Variants in SRRM4 observed in about 807,000 individuals in gnomAD.
SRRM4 encodes the protein serine/arginine repetitive matrix 4, also known as serine/arginine repetitive matrix protein 4.
A neutral mutation model predicts 68.9 loss-of-function variants in SRRM4; 33 were observed. The ratio of observed to expected loss-of-function variants is 0.48; its 90% CI spans 0.36 to 0.64. The LOEUF (loss-of-function observed/expected upper bound fraction) is 0.64. SRRM4 is among the 30% of genes least tolerant of loss of function. SRRM4 has a pLI of 0.00. For missense variants in SRRM4, 817 were observed against 827.1 expected (o/e 0.99, Z 0.15); for synonymous variants, 318 against 318.8 (o/e 1.00, Z 0.03).
chr12:118,993,137 AG>A (rs549946549), intron 1 of SRRM4, among the ~76,000 whole-genome samples: 108 of 152,174 alleles, frequency 7.1e-4, no homozygotes, highest in Non-Finnish European at 1.1e-3. Flanking sequence ...GGTCTTATAA[AG>A]ACCTGGAATA....
intron 1 of SRRM4, among the ~76,000 whole-genome samples, chr12:119,039,840 C>T (rs907205927): frequency 3.3e-5 from 5 of 151,660 alleles, no homozygotes; most frequent in South Asian, 2.1e-4. Context: ...CATTTGCAGA[C>T]GTGGCTGAAG....
intron 1 of SRRM4, among the ~76,000 whole-genome samples, chr12:118,998,353 G>A (rs1480596016): frequency 6.8e-6 from 1 of 147,522 alleles, no homozygotes; most frequent in Non-Finnish European, 1.5e-5. Context: ...CTGGAGCACT[G>A]TATTGAGATG....
chr12:119,110,818 G>C (rs879735111), intron 2 of SRRM4, among the ~76,000 whole-genome samples: 7 of 152,160 alleles, frequency 4.6e-5, no homozygotes, highest in Non-Finnish European at 1.0e-4. Flanking sequence ...TGCTCCGTGG[G>C]CTGCACCCAC....
At chr12:119,117,035 G>A in intron 4 of SRRM4, 27 bp downstream of exon 4, 1 of 1,609,096 alleles carries the variant, frequency 6.2e-7, no homozygotes, top group East Asian at 2.2e-5. Context: ...CTGCAAACAA[G>A]ACCTCCCCAG....
At chr12:119,135,536 C>G (rs1490618250) in intron 8 of SRRM4, among the ~76,000 whole-genome samples, 7 of 152,172 alleles carry the variant, frequency 4.6e-5, no homozygotes, top group Admixed American at 3.9e-4. Flanking sequence ...ATCTGGGCAC[C>G]CTGGAGTTCT....
chr12:118,993,550 A>G (rs1171123142), intron 1 of SRRM4, among the ~76,000 whole-genome samples: 2 of 152,196 alleles, frequency 1.3e-5, no homozygotes, highest in African/African-American at 4.8e-5. Context: ...ACCAGACTGA[A>G]GGGGAACAGG....
At chr12:119,010,833 GAATAC>G (rs1264451698) in intron 1 of SRRM4, among the ~76,000 whole-genome samples, 15 of 152,198 alleles carry the variant, frequency 9.9e-5, no homozygotes, top group Non-Finnish European at 1.3e-4. Flanking sequence ...CATAATTATG[GAATAC>G]AATACAACAG....
intron 8 of SRRM4, among the ~76,000 whole-genome samples, chr12:119,140,828 G>C (rs1954360698): frequency 6.6e-6 from 1 of 152,232 alleles, no homozygotes; most frequent in Non-Finnish European, 1.5e-5. Context: ...GGGGGAATGA[G>C]AGAAAGAACA....
chr12:119,020,136 A>C (rs1953507747), intron 1 of SRRM4, among the ~76,000 whole-genome samples: 1 of 151,738 alleles, frequency 6.6e-6, no homozygotes, highest in African/African-American at 2.4e-5. Context: ...GCGCATCAAA[A>C]ATTGCACCAC....
intron 3 of SRRM4, 89 bp downstream of exon 3, chr12:119,114,453 G>A (rs964088455): frequency 3.9e-6 from 4 of 1,029,966 alleles, no homozygotes; most frequent in African/African-American, 1.6e-5. Context: ...TCCCTCTTGG[G>A]TTCAAATCCC....
In SRRM4 at chr12:119,157,942, C is replaced by A. The variant is rs1954484668; in HGVS notation, c.*1144C>A. On this transcript the variant is annotated 3_prime_UTR_variant, in exon 13 of 13. Coordinates refer to ENST00000267260, the MANE Select transcript of SRRM4 (RefSeq NM_194286.4). This position sits in a 1 kb window ranked among gnomAD's most constrained non-coding sequence, Gnocchi z 4.1. Reference sequence around the variant, plus strand: ...CAGGTTTGGGGGAAAAGACCCGAATCCAGAGTGCAGGGGAGAGGGGCTTGG... The same window carrying A: ...CAGGTTTGGGGGAAAAGACCCGAATACAGAGTGCAGGGGAGAGGGGCTTGG... 1 of 152,772 alleles carries A rather than the reference C, an allele frequency of 6.5e-6. No individual in the cohort carries two copies. Among genetic ancestry groups the A allele is most frequent in the Non-Finnish European group, 1.5e-5 (1 of 68,248 alleles). 9.5% of individuals were successfully genotyped at this position (152,772 alleles called of 1,614,324 possible).
chr12:119,006,303 G>A (rs971661008), intron 1 of SRRM4, among the ~76,000 whole-genome samples: 5 of 150,958 alleles, frequency 3.3e-5, no homozygotes, highest in African/African-American at 7.3e-5. Context: ...GGTGTGAGGC[G>A]ATGGTGTGTG....
At chr12:118,995,837 C>A (rs945652981) in intron 1 of SRRM4, among the ~76,000 whole-genome samples, 4 of 152,154 alleles carry the variant, frequency 2.6e-5, no homozygotes, top group Admixed American at 2.0e-4. Context: ...TTCCTGCATC[C>A]ATTTATTTAT....
rs745857726 is a variant in SRRM4, at chr12:119,122,046, A to G, written c.465-24A>G. 3 of 1,555,404 alleles carry G rather than the reference A, an allele frequency of 1.9e-6. 1 individual carries two copies. In the South Asian group the frequency reaches 3.3e-5, roughly 17 times the overall value. ...TTTAACTAGAATTTTGCATCTTTCAATTAATTGACCATTTCTTGTTTAGCT... is the reference window on the plus strand; with the variant it reads ...TTTAACTAGAATTTTGCATCTTTCAGTTAATTGACCATTTCTTGTTTAGCT... On this transcript the variant is annotated intron_variant, in intron 5 of 12. Coordinates refer to ENST00000267260, the MANE Select transcript of SRRM4 (RefSeq NM_194286.4).
intron 3 of SRRM4, among the ~76,000 whole-genome samples, chr12:119,115,074 G>T (rs546682094): frequency 5.7e-4 from 86 of 151,648 alleles, no homozygotes; most frequent in Middle Eastern, 3.4e-3. Flanking sequence ...CCTGACCATT[G>T]TCTACCAGGA....
chr12:119,016,799 G>A (rs1438747312), intron 1 of SRRM4, among the ~76,000 whole-genome samples: 1 of 152,182 alleles, frequency 6.6e-6, no homozygotes, highest in Non-Finnish European at 1.5e-5. Flanking sequence ...TCATGCTATG[G>A]AAGTGCTTGG....
intron 6 of SRRM4, among the ~76,000 whole-genome samples, chr12:119,122,354 A>C (rs1242958581): frequency 6.7e-6 from 1 of 149,858 alleles, no homozygotes; most frequent in Non-Finnish European, 1.5e-5. Context: ...AGGGAGGGAC[A>C]GAAAGGCATA....
At position 119,116,924 on chromosome 12, in the gene SRRM4, T is replaced by C. The variant is rs751954240; in HGVS notation, c.366-13T>C. On this transcript the variant is annotated splice_polypyrimidine_tract_variant and intron_variant, in intron 3 of 12. Transcript: ENST00000267260. ...GAGCCTCCTTCTGAAATGTGTCTTC[T>C]TGGCCCTGGCAGGTCCTCATCCTAT... is the stretch of plus-strand genomic sequence containing the variant. The C allele has an allele frequency of 5.0e-6, 8 of 1,613,196 alleles. No homozygotes were observed.
intron 1 of SRRM4, among the ~76,000 whole-genome samples, chr12:119,058,455 T>C (rs1953790609): frequency 1.3e-5 from 2 of 152,194 alleles, no homozygotes; most frequent in South Asian, 4.1e-4. Flanking sequence ...AGACTGAGGC[T>C]TGAAGAGGTT....
Sources: gnomAD v4.1 joint callset for allele counts (sites outside exome capture counted in the v4.1 genomes callset) on GRCh38, gnomAD v4.1.1 for gene constraint, Gnocchi (gnomAD v3.1) non-coding constraint, MANE v1.5 for transcripts, NCBI Gene and HGNC (gene_info 2026-07-23, HGNC 2026-07-21) for gene names.